Variants in SGCZ observed in about 807,000 individuals in gnomAD.
SGCZ encodes the protein zeta-sarcoglycan.
SGCZ carries 40 observed loss-of-function variants against 41.3 expected under a neutral mutation model. The observed-to-expected ratio is 0.97, with a 90% confidence interval of 0.75 to 1.26. The LOEUF (loss-of-function observed/expected upper bound fraction) is 1.26. Among genes scored for constraint, SGCZ ranks in the 50% most tolerant of loss-of-function variants. The pLI, the probability that SGCZ is intolerant of heterozygous loss-of-function variation, is 0.00. For missense variants in SGCZ, 552 were observed against 369.8 expected (o/e 1.49, Z -4.04); for synonymous variants, 206 against 137.5 (o/e 1.50, Z -3.49).
At chr8:14,510,374 T>C (rs17119516) in intron 2 of SGCZ, among the ~76,000 whole-genome samples, 9,478 of 152,170 alleles carry the variant, frequency 0.062, 411 homozygotes, top group African/African-American at 0.12. Flanking sequence ...GTTAAAGTTA[T>C]TGTTTTGTAA....
chr8:14,937,864 T>A (rs920217951), intron 1 of SGCZ, among the ~76,000 whole-genome samples: 9 of 152,132 alleles, frequency 5.9e-5, no homozygotes, highest in African/African-American at 2.2e-4. Context: ...AGGCATAACA[T>A]CTGATATTTT....
At chr8:14,843,315 G>A (rs142990526) in intron 1 of SGCZ, among the ~76,000 whole-genome samples, 178 of 152,078 alleles carry the variant, frequency 1.2e-3, no homozygotes, top group Non-Finnish European at 2.5e-4. Flanking sequence ...TTTAAAACAC[G>A]ACCTATGAGT....
intron 1 of SGCZ, among the ~76,000 whole-genome samples, chr8:15,122,582 G>T (rs974712832): frequency 2.0e-5 from 3 of 152,140 alleles, no homozygotes; most frequent in African/African-American, 7.2e-5. Flanking sequence ...CAAGAAGACA[G>T]CGAATAAAAA....
chr8:14,476,768 C>T (rs914905537), intron 2 of SGCZ, among the ~76,000 whole-genome samples: 1 of 152,154 alleles, frequency 6.6e-6, no homozygotes, highest in Non-Finnish European at 1.5e-5. Flanking sequence ...GACAAGTTGG[C>T]TGCCATAAGA....
At chr8:14,609,895 T>C (rs910814222) in intron 1 of SGCZ, among the ~76,000 whole-genome samples, 1 of 152,198 alleles carries the variant, frequency 6.6e-6, no homozygotes, top group Admixed American at 6.5e-5. Flanking sequence ...CAAGTGAGTA[T>C]GACAGCTTTG....
chr8:14,376,715 G>T (rs547788374), intron 2 of SGCZ, among the ~76,000 whole-genome samples: 11 of 152,026 alleles, frequency 7.2e-5, no homozygotes, highest in African/African-American at 2.7e-4. Context: ...TTCAGATAAA[G>T]GTGCCATAAA....
intron 1 of SGCZ, among the ~76,000 whole-genome samples, chr8:14,609,390 C>T (rs1585122385): frequency 6.6e-6 from 1 of 152,158 alleles, no homozygotes; most frequent in East Asian, 1.9e-4. Context: ...CTATCTGTCA[C>T]CAGATGTCTA....
chr8:14,615,123 A>G (rs1806057082), intron 1 of SGCZ, among the ~76,000 whole-genome samples: 1 of 152,170 alleles, frequency 6.6e-6, no homozygotes, highest in Admixed American at 6.5e-5. Context: ...GTAAAGGAGA[A>G]ACATTATGAC....
At chr8:14,188,715 G>C (rs1431294105) in intron 4 of SGCZ, among the ~76,000 whole-genome samples, 4 of 151,660 alleles carry the variant, frequency 2.6e-5, no homozygotes, top group African/African-American at 9.7e-5. Flanking sequence ...CAATAAAGCA[G>C]TTAAAACTCT....
At chr8:14,189,510 C>A (rs1733324352) in intron 4 of SGCZ, among the ~76,000 whole-genome samples, 1 of 152,276 alleles carries the variant, frequency 6.6e-6, no homozygotes, top group South Asian at 2.1e-4. Flanking sequence ...CACACACAGG[C>A]TTTTACACTT....
intron 6 of SGCZ, among the ~76,000 whole-genome samples, chr8:14,104,722 G>A (rs1297814331): frequency 6.6e-6 from 1 of 151,918 alleles, no homozygotes; most frequent in Non-Finnish European, 1.5e-5. Context: ...TTTTTTCCTT[G>A]AATATATTAA....
At chr8:14,690,910 T>C (rs1326269685) in intron 1 of SGCZ, among the ~76,000 whole-genome samples, 4 of 152,180 alleles carry the variant, frequency 2.6e-5, no homozygotes, top group Admixed American at 2.0e-4. Flanking sequence ...TATAAAGTCA[T>C]GTATGTGCTG....
chr8:14,992,954 C>T (rs1265922586), intron 1 of SGCZ, among the ~76,000 whole-genome samples: 3 of 151,420 alleles, frequency 2.0e-5, no homozygotes, highest in Non-Finnish European at 2.9e-5. Flanking sequence ...ATTTACCCCC[C>T]ACCCATCCTC....
At position 14,697,953 on chromosome 8, in the gene SGCZ, A is replaced by G. The variant is rs117115511; in HGVS notation, c.40-143027T>C. On this transcript the variant is annotated intron_variant, in intron 1 of 7. Coordinates refer to ENST00000382080, the MANE Select transcript of SGCZ (RefSeq NM_139167.4). ...TCCCACAGCTAGACATTTCAAACAT[A>G]TGTTTCAACCACTTCGGTATTTGTT... Among the ~76,000 whole-genome samples, 11 of 152,092 alleles carry G rather than the reference A, an allele frequency of 7.2e-5. No individual in the cohort carries two copies. The East Asian group carries it at 1.9e-3, about 27-fold the overall frequency.
intron 7 of SGCZ, among the ~76,000 whole-genome samples, chr8:14,096,116 C>T (rs561989737): frequency 6.6e-6 from 1 of 152,108 alleles, no homozygotes; most frequent in South Asian, 2.1e-4. Context: ...TCCTGACTGC[C>T]CTAGCCAGAT....
chr8:14,504,825 C>G (rs1728585991), intron 2 of SGCZ, among the ~76,000 whole-genome samples: 1 of 152,130 alleles, frequency 6.6e-6, no homozygotes, highest in Admixed American at 6.6e-5. Flanking sequence ...TCAGGGCTGT[C>G]TTCAATTGAA....
chr8:14,428,707 T>A (rs954689683), intron 2 of SGCZ, among the ~76,000 whole-genome samples: 2 of 152,216 alleles, frequency 1.3e-5, no homozygotes, highest in Admixed American at 6.5e-5. Context: ...TGGAAATGCA[T>A]GGATGGTCAT....
At chr8:14,325,747 C>CACATAT (rs1802079598) in intron 2 of SGCZ, among the ~76,000 whole-genome samples, 1 of 69,458 alleles carries the variant, frequency 1.4e-5, no homozygotes, top group Non-Finnish European at 3.1e-5. Flanking sequence ...CACACACACA[C>CACATAT]ATATATATAT....
chr8:15,043,527 G>C (rs1481043758), intron 1 of SGCZ, among the ~76,000 whole-genome samples: 1 of 151,890 alleles, frequency 6.6e-6, no homozygotes, highest in East Asian at 1.9e-4. Context: ...ATTAGATAGT[G>C]CATGCTACTT....
Sources: allele counts gnomAD v4.1 joint callset (sites outside exome capture counted in the v4.1 genomes callset), GRCh38; gene constraint gnomAD v4.1.1; transcripts MANE v1.5; gene names NCBI Gene and HGNC (gene_info 2026-07-23, HGNC 2026-07-21).